HDAC9: variants seen among roughly 807,000 people sequenced by gnomAD.
HDAC9 encodes MEF-2 interacting transcription repressor (MITR) protein.
HDAC9 carries 41 observed loss-of-function variants against 139.4 expected under a neutral mutation model. The ratio of observed to expected loss-of-function variants is 0.29; its 90% CI spans 0.23 to 0.38. The LOEUF (loss-of-function observed/expected upper bound fraction) is 0.38. HDAC9 is among the 10% of genes least tolerant of loss of function. The pLI is 1.00. For synonymous variants in HDAC9, 517 were observed against 476.2 expected (o/e 1.09, Z -1.12); for missense variants, 1,147 against 1,297.0 (o/e 0.88, Z 1.78).
At chr7:18,725,887 G>C (rs529268100) in intron 12 of HDAC9, among the ~76,000 whole-genome samples, 12 of 152,144 alleles carry the variant, frequency 7.9e-5, no homozygotes, top group African/African-American at 2.9e-4. Flanking sequence ...AACCATTGTA[G>C]CTAGAACTAG....
At chr7:18,734,784 T>C (rs147863179) in intron 13 of HDAC9, among the ~76,000 whole-genome samples, 2 of 152,342 alleles carry the variant, frequency 1.3e-5, no homozygotes, top group Non-Finnish European at 2.9e-5. Context: ...ATGGTATTTC[T>C]AGCTCTAGAT....
rs10716963 is a variant in HDAC9 at position 18,528,253 on chromosome 7, A to AT, written c.22+31942dup. 5.5e-4 allele frequency among the ~76,000 whole-genome samples: 81 copies of AT among 147,142 alleles called. No homozygotes were observed. In the Middle Eastern group the frequency reaches 0.011, roughly 19 times the overall value. On this transcript the variant is annotated intron_variant, in intron 2 of 25. Coordinates refer to ENST00000686413, the MANE Select transcript of HDAC9 (RefSeq NM_178425.4). Reference sequence around the variant, plus strand: ...CTTCTGTAGAAGTTTTCCATGAAGTATTTTTTTTTTTTTAAATTAGGTCGA... The same window carrying AT: ...CTTCTGTAGAAGTTTTCCATGAAGTATTTTTTTTTTTTTTAAATTAGGTCGA...
At chr7:18,467,301 G>A (rs1265733053) in intron 1 of HDAC9, among the ~76,000 whole-genome samples, 1 of 152,152 alleles carries the variant, frequency 6.6e-6, no homozygotes, top group African/African-American at 2.4e-5. Flanking sequence ...ACCTCTATCA[G>A]TCATTGACCT....
At chr7:18,699,011 T>C (rs948940908) in intron 12 of HDAC9, among the ~76,000 whole-genome samples, 2 of 152,152 alleles carry the variant, frequency 1.3e-5, no homozygotes, top group Admixed American at 6.5e-5. Context: ...CAATGCACAA[T>C]AGTTCGTCTT....
intron 1 of HDAC9, among the ~76,000 whole-genome samples, chr7:18,361,948 C>A (rs370769469): frequency 6.6e-6 from 1 of 152,188 alleles, no homozygotes; most frequent in African/African-American, 2.4e-5. Context: ...GCCAGCTCCC[C>A]GCCCTTCTGG....
rs151018507 is a variant in HDAC9 at position 18,827,930 on chromosome 7, T to C, written c.2323-1231T>C. 2.3e-3 allele frequency among the ~76,000 whole-genome samples: 354 copies of C among 152,248 alleles called. 1 individual carries two copies. Among genetic ancestry groups the C allele is most frequent in the Middle Eastern group, 0.01 (3 of 294 alleles). On this transcript the variant is annotated intron_variant, in intron 17 of 25. Coordinates refer to ENST00000686413, the MANE Select transcript of HDAC9 (RefSeq NM_178425.4). ...TCATTGATAGTTCCTTTCATATTAATATATTACCATCAGAGCGATAGTAAG... is the reference window on the plus strand; with the variant it reads ...TCATTGATAGTTCCTTTCATATTAACATATTACCATCAGAGCGATAGTAAG...
At chr7:18,733,224 TAC>T (rs1264949770) in intron 13 of HDAC9, among the ~76,000 whole-genome samples, 2 of 149,030 alleles carry the variant, frequency 1.3e-5, no homozygotes, top group African/African-American at 4.9e-5. Flanking sequence ...TATACGTATA[TAC>T]ACATATATAC....
At chr7:18,449,056 C>G (rs1474723138) in intron 1 of HDAC9, among the ~76,000 whole-genome samples, 1 of 152,012 alleles carries the variant, frequency 6.6e-6, no homozygotes, top group South Asian at 2.1e-4. Flanking sequence ...AAATTAAGCC[C>G]AAAACACTTT....
At position 18,618,760 on chromosome 7, in the gene HDAC9, A is replaced by ATATATATG. The variant is rs1388208113; in HGVS notation, c.665-10589_665-10588insATATATGT. On this transcript the variant is annotated intron_variant, in intron 6 of 25. Transcript: ENST00000686413. ...TATATATATATATATATATATATAT[A>ATATATATG]TGTAGGAATTCGTTTGTTACAGAAA... is the stretch of plus-strand genomic sequence containing the variant. 6.0e-5 allele frequency among the ~76,000 whole-genome samples: 8 copies of ATATATATG among 133,822 alleles called. No homozygotes were observed. The East Asian group carries it at 1.1e-3, about 18-fold the overall frequency. 87.8% of individuals were successfully genotyped at this position (133,822 alleles called of 152,430 possible). A position where few individuals can be genotyped will look rare whatever the true frequency, so the allele number is the denominator to read the frequency against.
chr7:18,762,203 A>G lies in HDAC9; in HGVS notation c.2090A>G (p.His697Arg). Residue 697 changes from histidine (H) to arginine (R), a missense_variant, in exon 15 of 26, where the codon CAT becomes CGT. Physicochemically the swap from His to Arg is conservative, Grantham distance 29. This residue lies in a region of HDAC9 where 407 missense variants were observed against 521.5 expected (regional missense o/e 0.78). Transcript: ENST00000686413. ...AGCCTGGAGGAAATACAGCTTGTTC[A>G]TTCTGAACATCACTCACTGTTGTAT... The part of the protein sequence containing the change: ...KASLEEIQLV[H>R]SEHHSLLYGT... The G allele has an allele frequency of 6.2e-7, 1 of 1,613,664 alleles. No individual in the cohort carries two copies. The highest frequency in any genetic ancestry group is 8.5e-7 in the Non-Finnish European group (1 of 1,179,724).
In HDAC9 at chr7:18,634,347, T is replaced by TC. The variant is rs1237578293; in HGVS notation, c.797-279dup. On this transcript the variant is annotated intron_variant, in intron 7 of 25. Coordinates refer to ENST00000686413, the MANE Select transcript of HDAC9 (RefSeq NM_178425.4). ...TCCTTTCTTCAGTTTTTTTTTTTTT[T>TC]CTCATTCAAAGCTCCTGTGACCCTC... 1.3e-4 allele frequency among the ~76,000 whole-genome samples: 20 copies of TC among 151,210 alleles called. No homozygotes were observed. In the East Asian group the frequency reaches 3.9e-3, roughly 29 times the overall value.
Position 18,495,804 on chromosome 7 carries a change from A to C in HDAC9, c.-261A>C, listed in dbSNP as rs1258312668. 3.0e-6 allele frequency: 3 copies of C among 1,009,266 alleles called. No individual in the cohort carries two copies. The highest frequency in any genetic ancestry group is 3.5e-6 in the Non-Finnish European group (3 of 846,076). 62.5% of individuals were successfully genotyped at this position (1,009,266 alleles called of 1,614,324 possible). A position where few individuals can be genotyped will look rare whatever the true frequency, so the allele number is the denominator to read the frequency against. ...GGCACCGGCTGGAGCCACTTGCAGG[A>C]CTGAGGGTTTTTGCAACAAAACCCT... is the stretch of plus-strand genomic sequence containing the variant. On this transcript the variant is annotated 5_prime_UTR_variant, in exon 1 of 26. Coordinates refer to ENST00000686413, the MANE Select transcript of HDAC9 (RefSeq NM_178425.4).
intron 6 of HDAC9, among the ~76,000 whole-genome samples, chr7:18,619,112 G>A (rs549878101): frequency 6.3e-4 from 96 of 152,204 alleles, no homozygotes; most frequent in African/African-American, 2.1e-3. Flanking sequence ...AAAGGAGTTA[G>A]CATATGAAGG....
intron 2 of HDAC9, among the ~76,000 whole-genome samples, chr7:18,574,890 C>T (rs1200394890): frequency 6.6e-6 from 1 of 152,204 alleles, no homozygotes; most frequent in African/African-American, 2.4e-5. Context: ...TACCAGGTCC[C>T]CGACTGTGCG....
At chr7:18,292,604 G>GT (rs751466924) in intron 1 of HDAC9, among the ~76,000 whole-genome samples, 1 of 151,740 alleles carries the variant, frequency 6.6e-6, no homozygotes, top group Non-Finnish European at 1.5e-5. Flanking sequence ...GAACTGACAG[G>GT]TAAAAAAAAA....
At chr7:18,967,585 C>A (rs1163817059) in intron 24 of HDAC9, among the ~76,000 whole-genome samples, 5 of 143,870 alleles carry the variant, frequency 3.5e-5, no homozygotes, top group African/African-American at 1.0e-4. Flanking sequence ...ATAATAAAAT[C>A]ATTTGGTTTT....
chr7:18,834,761 G>T (rs1010659205), intron 19 of HDAC9, among the ~76,000 whole-genome samples: 1 of 152,052 alleles, frequency 6.6e-6, no homozygotes, highest in South Asian at 2.1e-4. Flanking sequence ...GAAGTATGAA[G>T]TTTTTTTGCA....
chr7:18,825,273 A>T (rs1220835115), intron 17 of HDAC9, among the ~76,000 whole-genome samples: 1 of 152,214 alleles, frequency 6.6e-6, no homozygotes, highest in Non-Finnish European at 1.5e-5. Flanking sequence ...AGAGGAAAAG[A>T]CAAAGACTTG....
chr7:18,973,266 G>A (rs1014918802), intron 24 of HDAC9, among the ~76,000 whole-genome samples: 5 of 152,088 alleles, frequency 3.3e-5, no homozygotes, highest in Non-Finnish European at 7.4e-5. Flanking sequence ...TGACCCATAA[G>A]CCACTAGCCA....
Sources: gnomAD v4.1 joint callset for allele counts (sites outside exome capture counted in the v4.1 genomes callset) on GRCh38, gnomAD v4.1.1 for gene constraint, gnomAD v4.1.1 regional missense constraint, MANE v1.5 for transcripts, NCBI Gene and HGNC (gene_info 2026-07-23, HGNC 2026-07-21) for gene names.